Variants in SLCO3A1 observed in about 807,000 individuals in gnomAD.
SLCO3A1 encodes solute carrier organic anion transporter family member 3A1.
Under a neutral mutation model 63.1 loss-of-function variants are expected in SLCO3A1, and 27 were observed. The observed-to-expected ratio is 0.43, with a 90% CI of 0.32 to 0.59. The LOEUF (loss-of-function observed/expected upper bound fraction) is 0.59, where lower values mean the gene tolerates loss of function less well. Ranked by LOEUF, SLCO3A1 falls within the 20% of genes least tolerant of loss-of-function variation. SLCO3A1 has a pLI of 0.09. For synonymous variants in SLCO3A1, 473 were observed against 409.9 expected, an observed-to-expected ratio of 1.15 and a Z score of -1.86; for missense variants, 773 against 945.8, an observed-to-expected ratio of 0.82 and a Z score of 2.40.
chr15:91,857,055 TGTGTGTGTGTGTGTGA>T (rs1896941028), intron 1 of SLCO3A1, among the ~76,000 whole-genome samples: 1 of 134,414 alleles, frequency 7.4e-6, no homozygotes, highest in Non-Finnish European at 1.5e-5. Flanking sequence ...TGTGTGTGTG[TGTGTGTGTGTGTGTGA>T]GAGAGAGAGA....
Position 91,854,291 on chromosome 15 carries a change from C to A in SLCO3A1, c.180+203C>A, listed in dbSNP as rs1896854072. On this transcript the variant is annotated intron_variant, in intron 1 of 9. Coordinates refer to ENST00000318445, the MANE Select transcript of SLCO3A1 (RefSeq NM_013272.4). This position sits in a 1 kb window ranked among gnomAD's most constrained non-coding sequence, Gnocchi z 6.4. ...CCAGCGAGCGGGTAGCGGGCGGGAC[C>A]GTTGATGCCGGTAGCAGCTCGCGCG... 9 of 1,098,114 alleles carry A rather than the reference C, an allele frequency of 8.2e-6. No individual in the cohort carries two copies. The South Asian group carries it at 2.7e-4, about 33-fold the overall frequency. 68.0% of individuals were successfully genotyped at this position (1,098,114 alleles called of 1,614,324 possible). A position where few individuals can be genotyped will look rare whatever the true frequency, so the allele number is the denominator to read the frequency against.
chr15:91,918,076 C>T (rs939271767), intron 2 of SLCO3A1, among the ~76,000 whole-genome samples: 1 of 147,758 alleles, frequency 6.8e-6, no homozygotes, highest in Non-Finnish European at 1.5e-5. Context: ...CAGCCGTAGT[C>T]ACTGAACCCT....
At chr15:92,046,229 T>C (rs2046860827) in intron 2 of SLCO3A1, among the ~76,000 whole-genome samples, 1 of 152,080 alleles carries the variant, frequency 6.6e-6, no homozygotes, top group African/African-American at 2.4e-5. Context: ...AAAAAGTTAT[T>C]GTCGGCTGGG....
At chr15:91,921,268 G>A (rs549221922) in intron 2 of SLCO3A1, among the ~76,000 whole-genome samples, 1 of 152,056 alleles carries the variant, frequency 6.6e-6, no homozygotes, top group East Asian at 1.9e-4. Context: ...TTACAAGGTC[G>A]CCAGTCACAT....
At chr15:92,128,673 G>A (rs1157844097) in intron 7 of SLCO3A1, among the ~76,000 whole-genome samples, 184 bp downstream of exon 7, 2 of 152,158 alleles carry the variant, frequency 1.3e-5, no homozygotes, top group African/African-American at 4.8e-5. Context: ...TAAATCAAGT[G>A]GGTTTGTAGG....
intron 1 of SLCO3A1, among the ~76,000 whole-genome samples, chr15:91,861,873 C>T (rs1296563787): frequency 1.4e-5 from 2 of 141,222 alleles, no homozygotes; most frequent in Non-Finnish European, 1.5e-5. Context: ...CTCCTGGACT[C>T]AAGTGATCCA....
intron 9 of SLCO3A1, among the ~76,000 whole-genome samples, chr15:92,156,790 G>T (rs902927970): frequency 6.6e-6 from 1 of 151,370 alleles, no homozygotes; most frequent in Non-Finnish European, 1.5e-5. Flanking sequence ...GTAAGCCAGA[G>T]AGAAACAGAT....
rs1897365897 is a variant in SLCO3A1 at position 91,875,021 on chromosome 15, T to C, written c.180+20933T>C. ...CATGGTGCTAAGGCTGACCATGAGG[T>C]TGAGATGGGTGGTTACATCCACACC... On this transcript the variant is annotated intron_variant, in intron 1 of 9. Transcript: ENST00000318445. This position sits in a 1 kb window ranked among gnomAD's most constrained non-coding sequence, Gnocchi z 4.5. 6.6e-6 allele frequency among the ~76,000 whole-genome samples: 1 copy of C among 152,230 alleles called. No individual in the cohort carries two copies. Among genetic ancestry groups the C allele is most frequent in the African/African-American group, 2.4e-5 (1 of 41,466 alleles).
At chr15:92,057,934 A>C (rs2047040972) in intron 2 of SLCO3A1, among the ~76,000 whole-genome samples, 1 of 152,222 alleles carries the variant, frequency 6.6e-6, no homozygotes, top group Admixed American at 6.5e-5. Context: ...GGCAGTGTTC[A>C]AAGCTAATGG....
At chr15:91,947,940 C>T (rs1460956669) in intron 2 of SLCO3A1, among the ~76,000 whole-genome samples, 5 of 152,248 alleles carry the variant, frequency 3.3e-5, no homozygotes, top group African/African-American at 7.2e-5. Context: ...TGCAGGTGAC[C>T]GAAAGTGACT....
chr15:92,068,777 G>A (rs2047180994), intron 2 of SLCO3A1, among the ~76,000 whole-genome samples: 1 of 152,172 alleles, frequency 6.6e-6, no homozygotes, highest in Non-Finnish European at 1.5e-5. Flanking sequence ...AAGATCCCAA[G>A]TGAAGCTCCT....
At chr15:92,038,069 G>A (rs1043538708) in intron 2 of SLCO3A1, among the ~76,000 whole-genome samples, 2 of 152,194 alleles carry the variant, frequency 1.3e-5, no homozygotes, top group African/African-American at 4.8e-5. Context: ...GGTCACAGAA[G>A]AGCAGAGTGT....
rs559156088 is a variant in SLCO3A1, at chr15:92,111,078, G to T, written c.1009+6536G>T. Among the ~76,000 whole-genome samples, 83 of 152,244 alleles carry T rather than the reference G, an allele frequency of 5.5e-4. 1 individual carries two copies. The highest frequency in any genetic ancestry group is 2.0e-3 in the African/African-American group (83 of 41,542). ...CTTCTGGCAGGTGCTTTACATCTTG[G>T]TCAGGGAGCACATTCACCCCCGCCC... On this transcript the variant is annotated intron_variant, in intron 4 of 9. Coordinates refer to ENST00000318445, the MANE Select transcript of SLCO3A1 (RefSeq NM_013272.4).
At chr15:92,107,231 C>T (rs924048930) in intron 4 of SLCO3A1, among the ~76,000 whole-genome samples, 4 of 152,030 alleles carry the variant, frequency 2.6e-5, no homozygotes, top group African/African-American at 9.7e-5. Context: ...GGCAATTGGC[C>T]CATAATGGAC....
At chr15:92,100,830 G>A (rs564884687) in intron 3 of SLCO3A1, among the ~76,000 whole-genome samples, 2 of 152,322 alleles carry the variant, frequency 1.3e-5, no homozygotes, top group East Asian at 3.9e-4. Flanking sequence ...TACATCCAGT[G>A]TAGGTCAACA....
chr15:92,071,516 G>T (rs1361413338), intron 2 of SLCO3A1, among the ~76,000 whole-genome samples: 1 of 152,174 alleles, frequency 6.6e-6, no homozygotes, highest in Non-Finnish European at 1.5e-5. Context: ...CGTCAGAAAT[G>T]GAGTCATTTG....
Position 91,941,998 on chromosome 15 carries a change from T to G in SLCO3A1, c.646+25540T>G, listed in dbSNP as rs1899639556. 6.6e-6 allele frequency among the ~76,000 whole-genome samples: 1 copy of G among 152,198 alleles called. No individual in the cohort carries two copies. The highest frequency in any genetic ancestry group is 2.4e-5 in the African/African-American group (1 of 41,432). On this transcript the variant is annotated intron_variant, in intron 2 of 9. Transcript: ENST00000318445. The surrounding 1 kb of genome is among the most constrained non-coding windows in gnomAD (Gnocchi z 4.4). ...AGGTCTTACCCATCCACGACAAAAA[T>G]GAGAGAACAGTACAAGGTGGAGAGT...
chr15:92,128,536 A>G, intron 7 of SLCO3A1, 47 bp downstream of exon 7: 2 of 1,550,418 alleles, frequency 1.3e-6, no homozygotes, highest in Non-Finnish European at 1.7e-6. Flanking sequence ...AGGCAGCTAA[A>G]GTGGCTTAAA....
At chr15:92,043,849 G>A (rs1185107982) in intron 2 of SLCO3A1, among the ~76,000 whole-genome samples, 1 of 151,986 alleles carries the variant, frequency 6.6e-6, no homozygotes, top group Non-Finnish European at 1.5e-5. Flanking sequence ...TCGGTCCAGG[G>A]GAACTCAGGG....
Sources: gnomAD v4.1 joint callset for allele counts (sites outside exome capture counted in the v4.1 genomes callset) on GRCh38, gnomAD v4.1.1 for gene constraint, Gnocchi (gnomAD v3.1) non-coding constraint, MANE v1.5 for transcripts, NCBI Gene and HGNC (gene_info 2026-07-23, HGNC 2026-07-21) for gene names.